GRID2: variants seen among roughly 807,000 people sequenced by gnomAD.
The protein encoded by GRID2 is glutamate ionotropic receptor delta type subunit 2.
In GRID2, 33 loss-of-function variants were observed where a neutral mutation model predicts 114.8. The observed-to-expected ratio is 0.29, with a 90% confidence interval of 0.22 to 0.38. The LOEUF (loss-of-function observed/expected upper bound fraction) is 0.38, where lower values mean the gene tolerates loss of function less well. Among genes scored for constraint, GRID2 ranks in the 10% least tolerant of loss-of-function variants. GRID2 has a pLI of 1.00. For synonymous variants in GRID2, 505 were observed against 449.9 expected (o/e 1.12, Z -1.55); for missense variants, 1,184 against 1,257.7 (o/e 0.94, Z 0.89).
intron 9 of GRID2, among the ~76,000 whole-genome samples, chr4:93,402,544 T>C (rs1356906085): frequency 6.6e-6 from 1 of 152,064 alleles, no homozygotes; most frequent in Admixed American, 6.6e-5. Flanking sequence ...TGTGGGAGAT[T>C]GGAGGACTCT....
Position 92,526,646 on chromosome 4 carries a change from T to TAA in GRID2, c.89-63485_89-63484insAA, listed in dbSNP as rs544318892. Reference sequence around the variant, plus strand: ...GGCATGAGCCACTGCACCCAGCCAATGGTTGCATTTTTAAATATTAAAATG... The same window carrying TAA: ...GGCATGAGCCACTGCACCCAGCCAATAAGGTTGCATTTTTAAATATTAAAATG... On this transcript the variant is annotated intron_variant, in intron 1 of 15. Transcript: ENST00000282020. Among the ~76,000 whole-genome samples, 28 of 152,182 alleles carry TAA rather than the reference T, an allele frequency of 1.8e-4. No individual in the cohort carries two copies. The East Asian group carries it at 4.5e-3, about 24-fold the overall frequency.
chr4:93,425,042 T>G (rs1230358603), intron 10 of GRID2, among the ~76,000 whole-genome samples: 5 of 152,214 alleles, frequency 3.3e-5, no homozygotes, highest in African/African-American at 1.2e-4. Flanking sequence ...TGCTGAGATT[T>G]CCTATCTTTT....
intron 14 of GRID2, among the ~76,000 whole-genome samples, chr4:93,728,021 C>G (rs1333713803): frequency 6.6e-6 from 1 of 152,108 alleles, no homozygotes; most frequent in Non-Finnish European, 1.5e-5. Flanking sequence ...TTCTTGCCTT[C>G]TGCTAGCTTT....
intron 2 of GRID2, among the ~76,000 whole-genome samples, chr4:93,031,049 T>C (rs1474162463): frequency 6.8e-6 from 1 of 147,420 alleles, no homozygotes; most frequent in Non-Finnish European, 1.5e-5. Context: ...TTTTTTTTTT[T>C]TTTTTGACAT....
Position 92,836,407 on chromosome 4 carries a change from T to C in GRID2, c.244+246121T>C, listed in dbSNP as rs1177286487. 4.6e-5 allele frequency among the ~76,000 whole-genome samples: 7 copies of C among 152,254 alleles called. No homozygotes were observed. The East Asian group carries it at 1.4e-3, about 29-fold the overall frequency. On this transcript the variant is annotated intron_variant, in intron 2 of 15. Transcript: ENST00000282020. ...ATGAAAAAGGCAAATAGCATCTTAG[T>C]ATTATTAAGAAAATAGTTTTGACCT...
At chr4:92,542,809 C>G (rs1041409458) in intron 1 of GRID2, among the ~76,000 whole-genome samples, 2 of 151,738 alleles carry the variant, frequency 1.3e-5, no homozygotes, top group African/African-American at 4.8e-5. Flanking sequence ...GCTAAGATGG[C>G]ATAAATATTA....
intron 2 of GRID2, among the ~76,000 whole-genome samples, chr4:93,013,576 C>T (rs1722396601): frequency 1.3e-5 from 2 of 151,806 alleles, no homozygotes; most frequent in East Asian, 3.9e-4. Flanking sequence ...AAATACTATT[C>T]CTGTATTAGA....
chr4:93,685,750 C>T (rs1235525124), intron 14 of GRID2, among the ~76,000 whole-genome samples: 3 of 152,040 alleles, frequency 2.0e-5, no homozygotes, highest in Non-Finnish European at 2.9e-5. Flanking sequence ...ACACTTATAT[C>T]CATGTGATAA....
chr4:93,596,168 T>C (rs568522112), intron 13 of GRID2, among the ~76,000 whole-genome samples: 2 of 152,366 alleles, frequency 1.3e-5, no homozygotes, highest in East Asian at 3.9e-4. Flanking sequence ...TTAGCCCTAG[T>C]AAACCTTTGT....
intron 14 of GRID2, among the ~76,000 whole-genome samples, chr4:93,700,490 A>T (rs982920420): frequency 6.6e-6 from 1 of 152,194 alleles, no homozygotes; most frequent in Non-Finnish European, 1.5e-5. Flanking sequence ...CTAGAGTTGC[A>T]AAGAGTAGCT....
chr4:92,682,984 C>CA (rs1733720423), intron 2 of GRID2, among the ~76,000 whole-genome samples: 2 of 152,120 alleles, frequency 1.3e-5, no homozygotes, highest in South Asian at 4.1e-4. Context: ...CATTCTCCAG[C>CA]ATCTTCCTTC....
intron 8 of GRID2, among the ~76,000 whole-genome samples, chr4:93,375,458 A>G (rs1337699454): frequency 2.0e-5 from 3 of 151,724 alleles, no homozygotes; most frequent in Non-Finnish European, 4.4e-5. Flanking sequence ...TAATCTGCCC[A>G]CTTCATTTTC....
intron 13 of GRID2, among the ~76,000 whole-genome samples, chr4:93,567,435 G>C (rs369596308): frequency 6.6e-6 from 1 of 152,252 alleles, no homozygotes. Flanking sequence ...ATTGAGAAAG[G>C]CGTCTTCTGA....
intron 1 of GRID2, among the ~76,000 whole-genome samples, chr4:92,359,689 G>A (rs892337321): frequency 8.6e-5 from 13 of 151,938 alleles, no homozygotes; most frequent in Admixed American, 5.3e-4. Context: ...CAGGTTAGAC[G>A]GGTGTTTAGG....
At chr4:93,445,360 CT>C (rs1275640776) in intron 10 of GRID2, among the ~76,000 whole-genome samples, 1 of 151,956 alleles carries the variant, frequency 6.6e-6, no homozygotes, top group Non-Finnish European at 1.5e-5. Flanking sequence ...TTGGGCATTT[CT>C]TTTACCTGCA....
intron 1 of GRID2, among the ~76,000 whole-genome samples, chr4:92,305,666 C>G (rs1201888551): frequency 6.6e-6 from 1 of 152,096 alleles, no homozygotes; most frequent in Admixed American, 6.5e-5. Context: ...TATTGGCAAC[C>G]AGACGGGCCG....
At chr4:93,207,208 C>T (rs1054136006) in intron 4 of GRID2, among the ~76,000 whole-genome samples, 196 bp from the exon 5 acceptor site, 1 of 152,024 alleles carries the variant, frequency 6.6e-6, no homozygotes, top group African/African-American at 2.4e-5. Flanking sequence ...ATTAGCAAGT[C>T]TACAGTGCAT....
At chr4:93,658,617 GCT>G (rs1392725840) in intron 14 of GRID2, among the ~76,000 whole-genome samples, 5 of 152,094 alleles carry the variant, frequency 3.3e-5, no homozygotes, top group East Asian at 3.9e-4. Flanking sequence ...CAGAGTCCAT[GCT>G]CTCATCCCCT....
intron 1 of GRID2, among the ~76,000 whole-genome samples, chr4:92,517,236 G>T (rs1193905806): frequency 6.9e-6 from 1 of 145,632 alleles, no homozygotes; most frequent in South Asian, 2.1e-4. Context: ...AGTCCCAAAG[G>T]TAAATTTAAA....
Sources: gnomAD v4.1 joint callset for allele counts (sites outside exome capture counted in the v4.1 genomes callset) on GRCh38, gnomAD v4.1.1 for gene constraint, MANE v1.5 for transcripts, NCBI Gene and HGNC (gene_info 2026-07-23, HGNC 2026-07-21) for gene names.